HDAC3: variants seen among roughly 807,000 people sequenced by gnomAD.
HDAC3 encodes the protein SMAP45.
Under a neutral mutation model 62.3 loss-of-function variants are expected in HDAC3, and 21 were observed. The ratio of observed to expected loss-of-function variants is 0.34; its 90% CI spans 0.24 to 0.49. The LOEUF (loss-of-function observed/expected upper bound fraction) is 0.49, where lower values mean the gene tolerates loss of function less well. HDAC3 is among the 20% of genes least tolerant of loss of function. The probability of loss-of-function intolerance (pLI) is 0.99; values close to 1 mark genes in which losing one functional copy is unlikely to be tolerated. For synonymous variants in HDAC3, 198 were observed against 206.5 expected, an observed-to-expected ratio of 0.96 and a Z score of 0.35; for missense variants, 270 against 556.9, an observed-to-expected ratio of 0.48 and a Z score of 5.19.
Position 141,626,136 on chromosome 5 carries a change from C to A in HDAC3, c.920+58G>T. On this transcript the variant is annotated intron_variant, in intron 11 of 14. Coordinates refer to ENST00000305264, the MANE Select transcript of HDAC3 (RefSeq NM_003883.4). This position sits in a 1 kb window ranked among gnomAD's most constrained non-coding sequence, Gnocchi z 4.6. ...GGCTGAAGGACCCATGTGGCCATAT[C>A]TGAGGGACACCCTAGCTCACACTGG... 1.2e-6 allele frequency: 2 copies of A among 1,603,250 alleles called. No individual in the cohort carries two copies. Among genetic ancestry groups the A allele is most frequent in the South Asian group, 2.2e-5 (2 of 90,838 alleles).
At position 141,629,586 on chromosome 5, in the gene HDAC3, T is replaced by C; in HGVS notation, c.476+98A>G. The C allele has an allele frequency of 8.2e-7, 1 of 1,214,750 alleles. No homozygotes were observed. Among genetic ancestry groups the C allele is most frequent in the Non-Finnish European group, 1.2e-6 (1 of 839,694 alleles). 75.2% of individuals were successfully genotyped at this position (1,214,750 alleles called of 1,614,324 possible). On this transcript the variant is annotated intron_variant, in intron 6 of 14. Coordinates refer to ENST00000305264, the MANE Select transcript of HDAC3 (RefSeq NM_003883.4). The surrounding 1 kb of genome is among the most constrained non-coding windows in gnomAD (Gnocchi z 5.3). ...AAAGCATCAAGAACTTGGGAGAAGC[T>C]AATCAGGGAGGAGGGAGGTCAAGGT... is the stretch of plus-strand genomic sequence containing the variant.
intron 2 of HDAC3, 35 bp downstream of exon 2, chr5:141,636,512 CA>C: frequency 6.3e-7 from 1 of 1,598,096 alleles, no homozygotes; most frequent in Non-Finnish European, 8.6e-7. Flanking sequence ...CAGCTCGCCC[CA>C]CCCCCCAACC....
At chr5:141,622,966 C>CA (rs1342759759) in intron 14 of HDAC3, among the ~76,000 whole-genome samples, 1 of 151,664 alleles carries the variant, frequency 6.6e-6, no homozygotes, top group South Asian at 2.1e-4. Context: ...TCTAAAAATA[C>CA]AAAAAAAATT....
chr5:141,632,663 A>G (rs12655779), intron 3 of HDAC3, among the ~76,000 whole-genome samples: 17,458 of 152,242 alleles, frequency 0.11, 1,096 homozygotes, highest in South Asian at 0.15. Context: ...AACCTCCCCA[A>G]ACAGCATGTG....
At chr5:141,624,372 CAAA>C (rs58610895) in intron 14 of HDAC3, among the ~76,000 whole-genome samples, 19 of 22,086 alleles carry the variant, frequency 8.6e-4, no homozygotes, top group Admixed American at 1.9e-3. Flanking sequence ...CCGTCTCTAC[CAAA>C]AAAAAAAAAA....
Position 141,621,282 on chromosome 5 carries a change from C to T in HDAC3, c.*186G>A, listed in dbSNP as rs1596428728. ...TCTCATCCCTAATAGGTACCATTGTCAGGCCTTGGGAGAGAGAGGAAAAGC... is the reference window on the plus strand; with the variant it reads ...TCTCATCCCTAATAGGTACCATTGTTAGGCCTTGGGAGAGAGAGGAAAAGC... On this transcript the variant is annotated 3_prime_UTR_variant, in exon 15 of 15. Coordinates refer to ENST00000305264, the MANE Select transcript of HDAC3 (RefSeq NM_003883.4). 1.6e-6 allele frequency: 1 copy of T among 618,210 alleles called. No homozygotes were observed. The highest frequency in any genetic ancestry group is 2.9e-5 in the East Asian group (1 of 34,656). 38.3% of individuals were successfully genotyped at this position (618,210 alleles called of 1,614,324 possible). A position where few individuals can be genotyped will look rare whatever the true frequency, so the allele number is the denominator to read the frequency against.
rs201545092 is a variant in HDAC3, at chr5:141,626,303, G to C, written c.831-20C>G. The C allele has an allele frequency of 6.3e-7, 1 of 1,594,878 alleles. No homozygotes were observed. The highest frequency in any genetic ancestry group is 2.2e-5 in the East Asian group (1 of 44,782). ...CATTCCCTGTTAAAAGGAACCAGAG[G>C]AAGATGTGGAGGAGGTTATCAAAAG... On this transcript the variant is annotated intron_variant, in intron 10 of 14. Transcript: ENST00000305264. This position sits in a 1 kb window ranked among gnomAD's most constrained non-coding sequence, Gnocchi z 4.6.
rs2099904347 is a variant in HDAC3, at chr5:141,625,746, G to A, written c.998C>T (p.Ala333Val). ...ATCTGGATGAAGTGTGAAGTCTGGG[G>A]CAAAGTACTCGAAGTATTCTTGGGG... is the stretch of plus-strand genomic sequence containing the variant. The part of the protein sequence containing the change: ...LPYSEYFEYF[A>V]PDFTLHPDVS... The change falls in exon 13 of 15, where the codon GCC becomes GTC. Residue 333 changes from alanine to valine, a missense_variant. By Grantham distance (64) the Ala-to-Val change is moderately conservative (BLOSUM62 0). This residue lies in a region of HDAC3 where 156 missense variants were observed against 383.9 expected (regional missense o/e 0.41). Coordinates refer to ENST00000305264, the MANE Select transcript of HDAC3 (RefSeq NM_003883.4). The surrounding 1 kb of genome is among the most constrained non-coding windows in gnomAD (Gnocchi z 4.0). 6.2e-7 allele frequency: 1 copy of A among 1,613,992 alleles called. No homozygotes were observed. Among genetic ancestry groups the A allele is most frequent in the Non-Finnish European group, 8.5e-7 (1 of 1,179,976 alleles).
intron 14 of HDAC3, among the ~76,000 whole-genome samples, chr5:141,623,360 C>T (rs559023347): frequency 6.6e-6 from 1 of 152,160 alleles, no homozygotes; most frequent in African/African-American, 2.4e-5. Flanking sequence ...CAAAGAAGAA[C>T]AGAAACTCAG....
intron 2 of HDAC3, chr5:141,636,259 G>T: frequency 2.1e-6 from 1 of 467,186 alleles, no homozygotes. Context: ...ATGCAGAGGA[G>T]GAACACACCT....
intron 2 of HDAC3, chr5:141,635,801 G>A (rs2154598097): frequency 6.6e-6 from 1 of 152,288 alleles, no homozygotes; most frequent in South Asian, 2.1e-4. Context: ...GTAGATGTGG[G>A]TCCCACTGTG....
chr5:141,628,777 T>C lies in HDAC3; in HGVS notation c.611-138A>G, dbSNP rs922234931. The C allele has an allele frequency of 1.2e-5, 8 of 648,614 alleles. No individual in the cohort carries two copies. Among genetic ancestry groups the C allele is most frequent in the Non-Finnish European group, 2.1e-5 (8 of 373,244 alleles). The allele number at this position is 648,614 out of a possible 1,614,324, so 40.2% of individuals were successfully genotyped here. ...AAACTCCCTAGAGCCACTAAATCTC[T>C]TGCAGCTTGCATTCATTGGGCAAAT... On this transcript the variant is annotated intron_variant, in intron 7 of 14. Coordinates refer to ENST00000305264, the MANE Select transcript of HDAC3 (RefSeq NM_003883.4). This position sits in a 1 kb window ranked among gnomAD's most constrained non-coding sequence, Gnocchi z 4.7.
Position 141,628,500 on chromosome 5 carries a change from G to T in HDAC3, c.691+59C>A. 2 of 1,367,430 alleles carry T rather than the reference G, an allele frequency of 1.5e-6. No individual in the cohort carries two copies. Among genetic ancestry groups the T allele is most frequent in the Non-Finnish European group, 2.1e-6 (2 of 955,440 alleles). The allele number at this position is 1,367,430 out of a possible 1,614,324, so 84.7% of individuals were successfully genotyped here. ...CAGCAGACAATACCAGGCAGAAGAGGTTATTTCAAGGAGAAAAAGAAGGGG... is the reference window on the plus strand; with the variant it reads ...CAGCAGACAATACCAGGCAGAAGAGTTTATTTCAAGGAGAAAAAGAAGGGG... On this transcript the variant is annotated intron_variant, in intron 8 of 14. Coordinates refer to ENST00000305264, the MANE Select transcript of HDAC3 (RefSeq NM_003883.4). The surrounding 1 kb of genome is among the most constrained non-coding windows in gnomAD (Gnocchi z 4.7).
chr5:141,625,952 C>T lies in HDAC3; in HGVS notation c.979+61G>A. 1 of 1,484,300 alleles carries T rather than the reference C, an allele frequency of 6.7e-7. No homozygotes were observed. 91.9% of individuals were successfully genotyped at this position (1,484,300 alleles called of 1,614,324 possible). A position where few individuals can be genotyped will look rare whatever the true frequency, so the allele number is the denominator to read the frequency against. ...TTTCCCATGTGCCTTCAAACCAGGT[C>T]ATTCTGGAATCTGGTGAGAATGGCC... On this transcript the variant is annotated intron_variant, in intron 12 of 14. Transcript: ENST00000305264. The surrounding 1 kb of genome is among the most constrained non-coding windows in gnomAD (Gnocchi z 4.0).
In HDAC3 at chr5:141,625,142, A is replaced by G; in HGVS notation, c.1217+66T>C. The G allele has an allele frequency of 6.9e-7, 1 of 1,441,188 alleles. No homozygotes were observed. Among genetic ancestry groups the G allele is most frequent in the Non-Finnish European group, 9.4e-7 (1 of 1,068,134 alleles). 89.3% of individuals were successfully genotyped at this position (1,441,188 alleles called of 1,614,324 possible). ...CAATTAAACTAATACCTTCCCATTTACTTTTTCCCTTTTAAACCTCCCCAG... is the reference window on the plus strand; with the variant it reads ...CAATTAAACTAATACCTTCCCATTTGCTTTTTCCCTTTTAAACCTCCCCAG... On this transcript the variant is annotated intron_variant, in intron 14 of 14. Transcript: ENST00000305264. This position sits in a 1 kb window ranked among gnomAD's most constrained non-coding sequence, Gnocchi z 4.0.
intron 10 of HDAC3, among the ~76,000 whole-genome samples, chr5:141,627,309 C>T (rs2099904578): frequency 6.6e-6 from 1 of 152,172 alleles, no homozygotes; most frequent in Admixed American, 6.5e-5. Flanking sequence ...AACTCCTAGC[C>T]TCAGGCGATT....
chr5:141,631,601 A>G (rs2099905228), intron 3 of HDAC3, among the ~76,000 whole-genome samples: 1 of 152,208 alleles, frequency 6.6e-6, no homozygotes, highest in African/African-American at 2.4e-5. Context: ...CTTAACAGAT[A>G]ATGCCTAAAA....
intron 2 of HDAC3, among the ~76,000 whole-genome samples, chr5:141,635,470 T>G (rs1406364306): frequency 6.6e-6 from 1 of 152,222 alleles, no homozygotes; most frequent in Non-Finnish European, 1.5e-5. Context: ...GCAAACAATC[T>G]CAAGGGATAT....
At position 141,624,372 on chromosome 5, in the gene HDAC3, C is replaced by CAAAAA. The variant is rs58610895; in HGVS notation, c.1217+831_1217+835dup. ...CAACAAGGCAAGACTCCGTCTCTAC[C>CAAAAA]AAAAAAAAAAAAAAAAAAAAAAAAA... On this transcript the variant is annotated intron_variant, in intron 14 of 14. Coordinates refer to ENST00000305264, the MANE Select transcript of HDAC3 (RefSeq NM_003883.4). 8.9e-3 allele frequency among the ~76,000 whole-genome samples: 197 copies of CAAAAA among 22,100 alleles called. 44 individuals carry two copies. The highest frequency in any genetic ancestry group is 0.01 in the African/African-American group (57 of 5,666). 14.5% of individuals were successfully genotyped at this position (22,100 alleles called of 152,430 possible).
Sources: allele counts gnomAD v4.1 joint callset (sites outside exome capture counted in the v4.1 genomes callset), GRCh38; gene constraint gnomAD v4.1.1; regional missense constraint gnomAD v4.1.1; non-coding constraint Gnocchi (gnomAD v3.1); transcripts MANE v1.5; gene names NCBI Gene and HGNC (gene_info 2026-07-23, HGNC 2026-07-21).